Variants in LRRC4C observed in about 807,000 individuals in gnomAD.
LRRC4C encodes leucine rich repeat containing 4C.
In LRRC4C, 5 loss-of-function variants were observed where a neutral mutation model predicts 33.6. The ratio of observed to expected loss-of-function variants is 0.15; its 90% CI spans 0.08 to 0.31. The LOEUF (loss-of-function observed/expected upper bound fraction) is 0.31, where lower values mean the gene tolerates loss of function less well. LRRC4C is among the 10% of genes least tolerant of loss of function. The probability of loss-of-function intolerance (pLI) is 1.00; values close to 1 mark genes in which losing one functional copy is unlikely to be tolerated. For synonymous variants in LRRC4C, 329 were observed against 302.0 expected, an observed-to-expected ratio of 1.09 and a Z score of -0.93; for missense variants, 560 against 796.7, an observed-to-expected ratio of 0.70 and a Z score of 3.58.
At chr11:40,178,459 C>A (rs1860701351) in intron 5 of LRRC4C, among the ~76,000 whole-genome samples, 1 of 152,176 alleles carries the variant, frequency 6.6e-6, no homozygotes, top group South Asian at 2.1e-4. Flanking sequence ...GCAGACCTAT[C>A]CATTTGCTGC....
At chr11:41,322,574 G>T (rs940559714) in intron 1 of LRRC4C, among the ~76,000 whole-genome samples, 1 of 152,024 alleles carries the variant, frequency 6.6e-6, no homozygotes, top group Non-Finnish European at 1.5e-5. Flanking sequence ...CTTCATTTAT[G>T]TTTTGTTGTG....
intron 1 of LRRC4C, among the ~76,000 whole-genome samples, chr11:41,295,873 A>AT (rs1184226400): frequency 2.0e-5 from 3 of 152,318 alleles, no homozygotes; most frequent in Non-Finnish European, 4.4e-5. Context: ...TTTGAACACT[A>AT]TTTTGCTAAG....
intron 1 of LRRC4C, among the ~76,000 whole-genome samples, chr11:41,142,460 C>A (rs567668827): frequency 6.6e-6 from 1 of 152,254 alleles, no homozygotes; most frequent in South Asian, 2.1e-4. Flanking sequence ...GTGATGCTTA[C>A]CTGCTGGCTC....
chr11:41,021,271 T>C (rs1286101547), intron 1 of LRRC4C, among the ~76,000 whole-genome samples: 1 of 123,378 alleles, frequency 8.1e-6, no homozygotes, highest in Non-Finnish European at 1.7e-5. Context: ...CTTTTATTCC[T>C]GAAAAGAAAA....
At chr11:40,122,771 C>A (rs1325911584) in intron 6 of LRRC4C, among the ~76,000 whole-genome samples, 3 of 144,102 alleles carry the variant, frequency 2.1e-5, no homozygotes, top group African/African-American at 5.2e-5. Flanking sequence ...CCCCACCCAA[C>A]AAACACAAAT....
intron 1 of LRRC4C, among the ~76,000 whole-genome samples, chr11:41,312,832 T>C (rs1394796362): frequency 6.6e-6 from 1 of 152,166 alleles, no homozygotes; most frequent in East Asian, 1.9e-4. Flanking sequence ...GCAATTTAGG[T>C]CTGACATGTA....
At chr11:40,751,191 T>C (rs561172461) in intron 2 of LRRC4C, among the ~76,000 whole-genome samples, 1 of 152,244 alleles carries the variant, frequency 6.6e-6, no homozygotes, top group African/African-American at 2.4e-5. Flanking sequence ...GGAAGCCTTA[T>C]CTCTAAGAAT....
At chr11:40,967,545 A>G (rs1032045793) in intron 1 of LRRC4C, among the ~76,000 whole-genome samples, 7 of 151,960 alleles carry the variant, frequency 4.6e-5, no homozygotes, top group African/African-American at 7.2e-5. Flanking sequence ...TCATGTCTCA[A>G]TGTCATGTTT....
chr11:40,667,830 T>A (rs555485307), intron 2 of LRRC4C, among the ~76,000 whole-genome samples: 1 of 152,180 alleles, frequency 6.6e-6, no homozygotes, highest in Non-Finnish European at 1.5e-5. Context: ...CTTGTAGTAG[T>A]AGGTATCTCT....
intron 1 of LRRC4C, among the ~76,000 whole-genome samples, chr11:41,171,365 A>G (rs529945171): frequency 6.6e-6 from 1 of 152,296 alleles, no homozygotes; most frequent in East Asian, 1.9e-4. Context: ...CCAAATATCC[A>G]ACAATGATAG....
At chr11:40,921,983 A>G (rs1459136309) in intron 2 of LRRC4C, among the ~76,000 whole-genome samples, 1 of 152,222 alleles carries the variant, frequency 6.6e-6, no homozygotes, top group African/African-American at 2.4e-5. Flanking sequence ...CTGCCTTCTA[A>G]GGACAAATGG....
intron 1 of LRRC4C, among the ~76,000 whole-genome samples, chr11:41,434,353 C>CA (rs1051034849): frequency 6.6e-6 from 1 of 151,470 alleles, no homozygotes; most frequent in African/African-American, 2.4e-5. Flanking sequence ...TTTAAGAAAG[C>CA]AAAAAAATTT....
At chr11:40,168,197 G>A (rs1859759339) in intron 5 of LRRC4C, among the ~76,000 whole-genome samples, 1 of 152,146 alleles carries the variant, frequency 6.6e-6, no homozygotes, top group Admixed American at 6.5e-5. Flanking sequence ...GAGGATCTTG[G>A]CAAAATCAAA....
At chr11:40,627,924 G>T (rs1423347028) in intron 3 of LRRC4C, among the ~76,000 whole-genome samples, 1 of 152,064 alleles carries the variant, frequency 6.6e-6, no homozygotes, top group African/African-American at 2.4e-5. Context: ...TCCTATGTTG[G>T]TTTTTTGGAG....
chr11:40,851,183 A>C (rs1170787143), intron 2 of LRRC4C, among the ~76,000 whole-genome samples: 1 of 151,838 alleles, frequency 6.6e-6, no homozygotes, highest in Non-Finnish European at 1.5e-5. Context: ...TATGGGGGAA[A>C]AAAAAAACCC....
At chr11:40,514,013 A>AT in intron 3 of LRRC4C, among the ~76,000 whole-genome samples, 1 of 152,162 alleles carries the variant, frequency 6.6e-6, no homozygotes, top group Non-Finnish European at 1.5e-5. Flanking sequence ...TCCTCTTGGA[A>AT]TTGCTACTAA....
chr11:40,324,764 C>T (rs1946015691), intron 3 of LRRC4C, among the ~76,000 whole-genome samples: 1 of 152,034 alleles, frequency 6.6e-6, no homozygotes, highest in Admixed American at 6.6e-5. Context: ...GAGAAATAAA[C>T]AGGGTGATGT....
At chr11:41,124,815 C>T (rs1452411762) in intron 1 of LRRC4C, among the ~76,000 whole-genome samples, 1 of 152,032 alleles carries the variant, frequency 6.6e-6, no homozygotes, top group East Asian at 1.9e-4. Context: ...CTTTAGGAGC[C>T]AGAGTGGGCT....
intron 5 of LRRC4C, among the ~76,000 whole-genome samples, chr11:40,202,505 G>C (rs919613039): frequency 4.6e-5 from 7 of 151,960 alleles, no homozygotes; most frequent in Non-Finnish European, 7.4e-5. Flanking sequence ...AAACTTTCTG[G>C]GCCTTATTTT....
Sources: allele counts gnomAD v4.1 joint callset (sites outside exome capture counted in the v4.1 genomes callset), GRCh38; gene constraint gnomAD v4.1.1; transcripts MANE v1.5; gene names NCBI Gene and HGNC (gene_info 2026-07-23, HGNC 2026-07-21).